Variants in KIAA1328 observed in about 807,000 individuals in gnomAD.
The protein encoded by KIAA1328 is protein hinderin.
In KIAA1328, 52 loss-of-function variants were observed where a neutral mutation model predicts 68.1. The observed-to-expected ratio is 0.76, with a 90% CI of 0.61 to 0.96. KIAA1328 has a LOEUF of 0.96. KIAA1328 is among the 40% of genes least tolerant of loss of function. The pLI is 0.00. For missense variants in KIAA1328, 641 were observed against 677.6 expected (o/e 0.95, Z 0.60); for synonymous variants, 232 against 239.4 (o/e 0.97, Z 0.28).
intron 7 of KIAA1328, among the ~76,000 whole-genome samples, chr18:37,129,002 G>C (rs951984046): frequency 6.6e-6 from 1 of 152,192 alleles, no homozygotes; most frequent in African/African-American, 2.4e-5. Context: ...AGGAGCTGGG[G>C]ATGGAGTAAG....
intron 7 of KIAA1328, among the ~76,000 whole-genome samples, chr18:37,096,491 G>C (rs1256767509): frequency 6.6e-6 from 1 of 152,140 alleles, no homozygotes; most frequent in Non-Finnish European, 1.5e-5. Flanking sequence ...TGGACATTTG[G>C]ATTGGTTCCA....
chr18:37,022,664 A>G (rs549483250), intron 6 of KIAA1328, among the ~76,000 whole-genome samples: 9 of 152,326 alleles, frequency 5.9e-5, no homozygotes, highest in Admixed American at 3.9e-4. Flanking sequence ...TGTATTTTAC[A>G]TGGCTGTTTA....
intron 7 of KIAA1328, among the ~76,000 whole-genome samples, chr18:37,110,405 TA>T (rs1392125121): frequency 1.3e-5 from 2 of 152,224 alleles, no homozygotes; most frequent in African/African-American, 4.8e-5. Context: ...TATGTGCCTG[TA>T]AATAGTGAAG....
chr18:37,094,427 A>G (rs1427507073), intron 7 of KIAA1328, among the ~76,000 whole-genome samples: 2 of 152,224 alleles, frequency 1.3e-5, no homozygotes, highest in Non-Finnish European at 2.9e-5. Flanking sequence ...TGAAGGAGAA[A>G]TAGTCTTTCA....
In KIAA1328 at chr18:36,855,309, C is replaced by T. The variant is rs2047346997; in HGVS notation, c.332+11007C>T. On this transcript the variant is annotated intron_variant, in intron 4 of 9. Transcript: ENST00000280020. ...GGATTCTGGTCTCTTCACATGCTTG[C>T]CAACACTTGTTATTTTCCACTTATT... Among the ~76,000 whole-genome samples, 3 of 152,248 alleles carry T rather than the reference C, an allele frequency of 2.0e-5. 1 individual carries two copies. The South Asian group carries it at 6.2e-4, about 32-fold the overall frequency.
intron 5 of KIAA1328, among the ~76,000 whole-genome samples, chr18:36,913,521 C>CACACT (rs373001161): frequency 0.087 from 7,992 of 91,476 alleles, 474 homozygotes; most frequent in Admixed American, 0.14. Flanking sequence ...CACACACACA[C>CACACT]ACTTAGAGGA....
chr18:36,851,445 G>T (rs1343210429), intron 4 of KIAA1328, among the ~76,000 whole-genome samples: 2 of 151,574 alleles, frequency 1.3e-5, no homozygotes, highest in Admixed American at 6.6e-5. Context: ...GATTGTCTTT[G>T]TTGGGAAGAT....
At chr18:36,918,213 A>G (rs944396928) in intron 5 of KIAA1328, among the ~76,000 whole-genome samples, 2 of 151,204 alleles carry the variant, frequency 1.3e-5, no homozygotes, top group African/African-American at 2.4e-5. Flanking sequence ...CCCCTTTTCC[A>G]TCAGTCTTGC....
Position 37,141,065 on chromosome 18 carries a change from C to T in KIAA1328, c.1233-19135C>T, listed in dbSNP as rs114940432. Among the ~76,000 whole-genome samples, 552 of 152,198 alleles carry T rather than the reference C, an allele frequency of 3.6e-3. 3 individuals carry two copies. The highest frequency in any genetic ancestry group is 0.012 in the African/African-American group (502 of 41,544). Reference sequence around the variant, plus strand: ...AAGTTCTTTGGTGAAAGTTTTTCTGCGTTTGTCTTCAACTTTATTGTTAAT... The same window carrying T: ...AAGTTCTTTGGTGAAAGTTTTTCTGTGTTTGTCTTCAACTTTATTGTTAAT... On this transcript the variant is annotated intron_variant, in intron 7 of 9. Transcript: ENST00000280020.
chr18:36,948,269 T>A (rs1038637633), intron 5 of KIAA1328, among the ~76,000 whole-genome samples: 1 of 145,662 alleles, frequency 6.9e-6, no homozygotes, highest in Non-Finnish European at 1.5e-5. Context: ...TTGTTTTTTT[T>A]TTTTTTTTTT....
intron 9 of KIAA1328, among the ~76,000 whole-genome samples, chr18:37,203,267 AC>A (rs1333208614): frequency 6.6e-6 from 1 of 152,050 alleles, no homozygotes. Context: ...ATTTTCATAA[AC>A]CTTTTATAGT....
At chr18:36,938,996 T>C (rs2050607761) in intron 5 of KIAA1328, among the ~76,000 whole-genome samples, 1 of 152,216 alleles carries the variant, frequency 6.6e-6, no homozygotes, top group Admixed American at 6.5e-5. Flanking sequence ...TACTCTTGCT[T>C]TGTAATAGAT....
chr18:37,138,489 G>A (rs77899014), intron 7 of KIAA1328, among the ~76,000 whole-genome samples: 3 of 152,130 alleles, frequency 2.0e-5, no homozygotes, highest in African/African-American at 7.2e-5. Flanking sequence ...ACATCTAAGG[G>A]ATTTGGCATA....
chr18:36,932,748 A>G (rs925543273), intron 5 of KIAA1328, among the ~76,000 whole-genome samples: 1 of 152,184 alleles, frequency 6.6e-6, no homozygotes, highest in Admixed American at 6.5e-5. Context: ...TTATTATTTT[A>G]TAAAGTAGAT....
chr18:37,221,900 T>C lies in KIAA1328; in HGVS notation c.1524-117T>C, dbSNP rs999667181. 4.0e-5 allele frequency: 40 copies of C among 1,010,104 alleles called. No homozygotes were observed. The African/African-American group carries it at 5.8e-4, about 15-fold the overall frequency. 62.6% of individuals were successfully genotyped at this position (1,010,104 alleles called of 1,614,324 possible). A position where few individuals can be genotyped will look rare whatever the true frequency, so the allele number is the denominator to read the frequency against. On this transcript the variant is annotated intron_variant, in intron 9 of 9. Coordinates refer to ENST00000280020, the MANE Select transcript of KIAA1328 (RefSeq NM_020776.3). ...AAAAATTCCCTTAAGCATCATCTTA[T>C]GCATGATGTGATCTGTAATCTAATT...
intron 6 of KIAA1328, among the ~76,000 whole-genome samples, chr18:36,971,583 T>C (rs993300071): frequency 6.6e-6 from 1 of 152,034 alleles, no homozygotes; most frequent in African/African-American, 2.4e-5. Context: ...GAGCTGAGAT[T>C]ACACCATTGC....
chr18:37,125,660 A>C (rs890221563), intron 7 of KIAA1328, among the ~76,000 whole-genome samples: 2 of 152,218 alleles, frequency 1.3e-5, no homozygotes, highest in Admixed American at 6.5e-5. Context: ...CAAGAGCGAA[A>C]GCAGAGGCAT....
chr18:37,154,659 G>A (rs557641693), intron 7 of KIAA1328, among the ~76,000 whole-genome samples: 2 of 152,082 alleles, frequency 1.3e-5, no homozygotes, highest in East Asian at 3.9e-4. Context: ...CATCATCCAT[G>A]GTGACACCCA....
chr18:36,955,331 T>G (rs1158026904), intron 5 of KIAA1328, among the ~76,000 whole-genome samples: 5 of 130,392 alleles, frequency 3.8e-5, no homozygotes, highest in African/African-American at 1.3e-4. Context: ...TTTTTTTTTT[T>G]GATGGAGTCT....
Sources: gnomAD v4.1 joint callset for allele counts (sites outside exome capture counted in the v4.1 genomes callset) on GRCh38, gnomAD v4.1.1 for gene constraint, MANE v1.5 for transcripts, NCBI Gene and HGNC (gene_info 2026-07-23, HGNC 2026-07-21) for gene names.